Variants in CLDN16 observed in about 807,000 individuals in gnomAD.
CLDN16 encodes claudin-16.
Under a neutral mutation model 24.6 loss-of-function variants are expected in CLDN16, and 13 were observed. The observed-to-expected ratio is 0.53, with a 90% CI of 0.34 to 0.84. The LOEUF (loss-of-function observed/expected upper bound fraction) is 0.84. CLDN16 is among the 40% of genes least tolerant of loss of function. The pLI, the probability that CLDN16 is intolerant of heterozygous loss-of-function variation, is 0.01. For missense variants in CLDN16, 298 were observed against 292.7 expected (o/e 1.02, Z -0.13); for synonymous variants, 116 against 106.7 (o/e 1.09, Z -0.54).
chr3:190,307,651 T>C, the CLDN16 span: 1 of 152,198 alleles, frequency 6.6e-6, no homozygotes, highest in Non-Finnish European at 1.5e-5. Flanking sequence ...AAATAAGGGC[T>C]TAATAACGAT....
intron 1 of CLDN16, among the ~76,000 whole-genome samples, chr3:190,326,670 T>C (rs759326494): frequency 2.0e-5 from 3 of 152,182 alleles, no homozygotes; most frequent in Non-Finnish European, 2.9e-5. Context: ...TTTGATATTT[T>C]TATTATCAAG....
chr3:190,356,480 C>T (rs764533685), intron 1 of CLDN16, among the ~76,000 whole-genome samples: 14 of 151,886 alleles, frequency 9.2e-5, no homozygotes, highest in Non-Finnish European at 1.9e-4. Flanking sequence ...CTGCCAGGCC[C>T]AAATACCACT....
In CLDN16 at chr3:190,410,961, A is replaced by G. The variant is rs1411238482; in HGVS notation, c.*925A>G. ...TAAATAAATAAACGTTCACGACTTT[A>G]CTTAAAAAATCAATGTTGCGGCTGG... On this transcript the variant is annotated 3_prime_UTR_variant, in exon 5 of 5. Coordinates refer to ENST00000264734, the MANE Select transcript of CLDN16 (RefSeq NM_006580.4). 6.6e-6 allele frequency: 1 copy of G among 152,190 alleles called. No homozygotes were observed. Among genetic ancestry groups the G allele is most frequent in the African/African-American group, 2.4e-5 (1 of 41,442 alleles). 9.4% of individuals were successfully genotyped at this position (152,190 alleles called of 1,614,324 possible). A position where few individuals can be genotyped will look rare whatever the true frequency, so the allele number is the denominator to read the frequency against.
At chr3:190,342,329 G>A (rs559089967) in intron 1 of CLDN16, among the ~76,000 whole-genome samples, 1 of 152,162 alleles carries the variant, frequency 6.6e-6, no homozygotes, top group Non-Finnish European at 1.5e-5. Flanking sequence ...TATGGCAGAA[G>A]GTGAAAGGCA....
At chr3:190,337,420 G>T (rs1251681885) in intron 1 of CLDN16, among the ~76,000 whole-genome samples, 3 of 152,214 alleles carry the variant, frequency 2.0e-5, no homozygotes, top group Non-Finnish European at 4.4e-5. Flanking sequence ...AAGCAACCAA[G>T]TGTGGAGAAT....
At chr3:190,395,476 A>G (rs960389042) in intron 1 of CLDN16, among the ~76,000 whole-genome samples, 3 of 152,060 alleles carry the variant, frequency 2.0e-5, no homozygotes, top group Non-Finnish European at 2.9e-5. Flanking sequence ...TGTAAAGGTA[A>G]AATGTTCAGA....
chr3:190,396,676 A>C (rs903194321), intron 1 of CLDN16, among the ~76,000 whole-genome samples: 3 of 152,220 alleles, frequency 2.0e-5, no homozygotes, highest in African/African-American at 7.2e-5. Context: ...CAGATGACCT[A>C]TAATTGCACA....
At chr3:190,301,958 A>G in the CLDN16 span, among the ~76,000 whole-genome samples, 2 of 152,172 alleles carry the variant, frequency 1.3e-5, no homozygotes, top group Non-Finnish European at 1.5e-5. Context: ...AAAGTAAAAG[A>G]GGAAGTCTTT....
At chr3:190,408,129 G>T (rs1013462958) in intron 3 of CLDN16, among the ~76,000 whole-genome samples, 185 bp from the exon 4 acceptor site, 3 of 152,144 alleles carry the variant, frequency 2.0e-5, no homozygotes, top group Admixed American at 6.5e-5. Flanking sequence ...ATTTAAAAAA[G>T]ATACAAGATG....
At chr3:190,386,170 T>A (rs1718492960), upstream of CLDN16, among the ~76,000 whole-genome samples, 1 of 152,174 alleles carries the variant, frequency 6.6e-6, no homozygotes, top group Non-Finnish European at 1.5e-5. Context: ...CTTAATAGCA[T>A]TTCAGATTTT....
At chr3:190,388,759 G>T (rs1424932538) in intron 1 of CLDN16, among the ~76,000 whole-genome samples, 1 of 152,058 alleles carries the variant, frequency 6.6e-6, no homozygotes, top group East Asian at 1.9e-4. Flanking sequence ...TTCCATTGCT[G>T]CATATATCAT....
At chr3:190,378,328 G>T (rs1718288421) in intron 3 of CLDN16, among the ~76,000 whole-genome samples, 1 of 151,906 alleles carries the variant, frequency 6.6e-6, no homozygotes, top group South Asian at 2.1e-4. Flanking sequence ...ACAAAAATGA[G>T]AGAAGTTCTT....
chr3:190,296,793 G>A, the CLDN16 span, among the ~76,000 whole-genome samples: 158 of 151,768 alleles, frequency 1.0e-3, 1 homozygote, highest in Non-Finnish European at 2.0e-3. Context: ...CTCGTGATCC[G>A]CCCGTCTTGG....
At chr3:190,332,823 G>A (rs566854315) in intron 1 of CLDN16, among the ~76,000 whole-genome samples, 1 of 150,844 alleles carries the variant, frequency 6.6e-6, no homozygotes, top group East Asian at 1.9e-4. Context: ...AGACTGGATA[G>A]TAAAGAAACT....
chr3:190,305,858 C>T, the CLDN16 span: 7 of 152,124 alleles, frequency 4.6e-5, no homozygotes, highest in African/African-American at 7.2e-5. Context: ...GTAACAATTT[C>T]GTTGGTCATT....
At chr3:190,295,753 G>A in the CLDN16 span, among the ~76,000 whole-genome samples, 1 of 147,396 alleles carries the variant, frequency 6.8e-6, no homozygotes, top group Non-Finnish European at 1.5e-5. Context: ...GAATATGTTA[G>A]TCAGGACTCT....
At chr3:190,301,419 C>T in the CLDN16 span, among the ~76,000 whole-genome samples, 3 of 151,802 alleles carry the variant, frequency 2.0e-5, no homozygotes, top group Admixed American at 6.6e-5. Flanking sequence ...CTCTTGAACC[C>T]GGGAGGTGGA....
chr3:190,377,763 C>G (rs1718276094), intron 3 of CLDN16, among the ~76,000 whole-genome samples: 1 of 151,962 alleles, frequency 6.6e-6, no homozygotes, highest in Admixed American at 6.6e-5. Context: ...CGGGCACCCT[C>G]TCTGCCCTTA....
the CLDN16 span, among the ~76,000 whole-genome samples, chr3:190,294,205 A>G: frequency 6.6e-6 from 1 of 152,174 alleles, no homozygotes; most frequent in Admixed American, 6.5e-5. Context: ...TCAAATCTCA[A>G]CCATGTCTCA....
Sources: allele counts gnomAD v4.1 joint callset (sites outside exome capture counted in the v4.1 genomes callset), GRCh38; gene constraint gnomAD v4.1.1; transcripts MANE v1.5; gene names NCBI Gene and HGNC (gene_info 2026-07-23, HGNC 2026-07-21).